STRBP: variants seen among roughly 807,000 people sequenced by gnomAD.
The protein encoded by STRBP is spermatid perinuclear RNA-binding protein.
In STRBP, 13 loss-of-function variants were observed where a neutral mutation model predicts 80.1. The ratio of observed to expected loss-of-function variants is 0.16; its 90% confidence interval spans 0.11 to 0.26. The LOEUF is 0.26. Ranked by LOEUF, STRBP falls within the 10% of genes least tolerant of loss-of-function variation. STRBP has a pLI of 1.00. For synonymous variants in STRBP, 284 were observed against 291.2 expected (o/e 0.98, Z 0.25); for missense variants, 485 against 815.2 (o/e 0.59, Z 4.93).
chr9:123,239,568 A>C (rs1430314635), intron 1 of STRBP, among the ~76,000 whole-genome samples: 2 of 152,178 alleles, frequency 1.3e-5, no homozygotes, highest in African/African-American at 4.8e-5. Context: ...ATTTTCCCCC[A>C]GCTTCTTATG....
intron 14 of STRBP, among the ~76,000 whole-genome samples, chr9:123,137,965 G>A: frequency 6.6e-6 from 1 of 152,098 alleles, no homozygotes; most frequent in East Asian, 1.9e-4. Context: ...TTGAAACTAG[G>A]TCTATAGTAA....
chr9:123,209,516 T>C (rs755531322), intron 2 of STRBP, among the ~76,000 whole-genome samples: 5 of 152,250 alleles, frequency 3.3e-5, no homozygotes, highest in Admixed American at 6.5e-5. Flanking sequence ...TTGTGATGCC[T>C]ACAATCATAT....
At chr9:123,254,965 T>C (rs1296784493) in intron 1 of STRBP, among the ~76,000 whole-genome samples, 1 of 152,224 alleles carries the variant, frequency 6.6e-6, no homozygotes, top group Admixed American at 6.5e-5. Context: ...AAACTCATCA[T>C]GTCTTTTTTC....
intron 6 of STRBP, among the ~76,000 whole-genome samples, chr9:123,166,878 T>C (rs1297872595): frequency 2.6e-5 from 4 of 152,160 alleles, no homozygotes; most frequent in African/African-American, 4.8e-5. Context: ...AATGGGGATA[T>C]GGTTATTCTA....
At chr9:123,213,776 T>C (rs912999369) in intron 2 of STRBP, 2 of 151,934 alleles carry the variant, frequency 1.3e-5, no homozygotes, top group Non-Finnish European at 2.9e-5. Flanking sequence ...AATACAAAAA[T>C]TAGCCAGGCA....
intron 1 of STRBP, among the ~76,000 whole-genome samples, chr9:123,240,885 A>C (rs2040679716): frequency 6.6e-6 from 1 of 152,222 alleles, no homozygotes; most frequent in African/African-American, 2.4e-5. Context: ...ATCAGTTAAA[A>C]TATAAAGTGA....
chr9:123,137,961 C>G (rs2036431805), intron 14 of STRBP, among the ~76,000 whole-genome samples: 1 of 152,140 alleles, frequency 6.6e-6, no homozygotes, highest in African/African-American at 2.4e-5. Flanking sequence ...ATTTTTGAAA[C>G]TAGGTCTATA....
Position 123,122,678 on chromosome 9 carries a change from C to A in STRBP, c.*2919G>T, listed in dbSNP as rs1254145164. Reference sequence around the variant, plus strand: ...AGCCTGAAGAAACACAAGCTGCAAGCCACATCCCTGGCTAGGGGCCAGTCC... The same window carrying A: ...AGCCTGAAGAAACACAAGCTGCAAGACACATCCCTGGCTAGGGGCCAGTCC... On this transcript the variant is annotated 3_prime_UTR_variant, in exon 19 of 19. Coordinates refer to ENST00000348403, the MANE Select transcript of STRBP (RefSeq NM_018387.5). 6 of 1,014,084 alleles carry A rather than the reference C, an allele frequency of 5.9e-6. No individual in the cohort carries two copies. The highest frequency in any genetic ancestry group is 7.1e-6 in the Non-Finnish European group (6 of 848,676). 62.8% of individuals were successfully genotyped at this position (1,014,084 alleles called of 1,614,324 possible). A position where few individuals can be genotyped will look rare whatever the true frequency, so the allele number is the denominator to read the frequency against.
rs2038607246 is a variant in STRBP at position 123,184,204 on chromosome 9, T to TTCACTTGTCGTCTTCACTAGACTAG, written c.-71_-70insCTAGTCTAGTGAAGACGACAAGTGA. 1.3e-5 allele frequency: 20 copies of TTCACTTGTCGTCTTCACTAGACTAG among 1,530,460 alleles called. No homozygotes were observed. The highest frequency in any genetic ancestry group is 1.7e-5 in the Non-Finnish European group (19 of 1,116,894). 94.8% of individuals were successfully genotyped at this position (1,530,460 alleles called of 1,614,324 possible). A position where few individuals can be genotyped will look rare whatever the true frequency, so the allele number is the denominator to read the frequency against. On this transcript the variant is annotated 5_prime_UTR_variant, in exon 3 of 19. It introduces an in-frame stop codon into an upstream open reading frame of the 5' UTR. Coordinates refer to ENST00000348403, the MANE Select transcript of STRBP (RefSeq NM_018387.5). ...CTTTCTTGTCGTCTTCACTAGACAC[T>TTCACTTGTCGTCTTCACTAGACTAG]GTTTTGTGTAACAATACCTCCTCAT... is the stretch of plus-strand genomic sequence containing the variant.
At chr9:123,146,737 A>T in intron 13 of STRBP, 118 bp downstream of exon 13, 1 of 884,202 alleles carries the variant, frequency 1.1e-6, no homozygotes, top group Non-Finnish European at 1.6e-6. Context: ...ACAAAAGTCT[A>T]TATATAATAT....
intron 11 of STRBP, among the ~76,000 whole-genome samples, chr9:123,156,768 T>A (rs1368936160): frequency 1.3e-5 from 2 of 151,964 alleles, no homozygotes; most frequent in Non-Finnish European, 2.9e-5. Context: ...CCCACTGGAA[T>A]TCTGTCATCT....
intron 1 of STRBP, among the ~76,000 whole-genome samples, chr9:123,258,034 G>A (rs1241628953): frequency 4.6e-5 from 7 of 151,922 alleles, no homozygotes; most frequent in Non-Finnish European, 4.4e-5. Flanking sequence ...GCAAAAAGAC[G>A]ACTTCAAGGC....
At chr9:123,216,089 C>T (rs1482446425) in intron 2 of STRBP, among the ~76,000 whole-genome samples, 1 of 152,182 alleles carries the variant, frequency 6.6e-6, no homozygotes, top group Non-Finnish European at 1.5e-5. Context: ...ACCCTCCACC[C>T]TTATTCTGCA....
At chr9:123,260,168 G>A (rs1052804847) in intron 1 of STRBP, among the ~76,000 whole-genome samples, 2 of 152,218 alleles carry the variant, frequency 1.3e-5, no homozygotes, top group Admixed American at 1.3e-4. Context: ...GAATGAGCCA[G>A]TAGACAGGGG....
At chr9:123,198,976 G>A (rs909807303) in intron 2 of STRBP, among the ~76,000 whole-genome samples, 4 of 152,152 alleles carry the variant, frequency 2.6e-5, no homozygotes, top group Non-Finnish European at 5.9e-5. Flanking sequence ...GATGGAGTCT[G>A]ACTCTGTCGC....
chr9:123,206,898 A>C (rs765843961), intron 2 of STRBP, among the ~76,000 whole-genome samples: 3 of 152,184 alleles, frequency 2.0e-5, no homozygotes, highest in Non-Finnish European at 4.4e-5. Flanking sequence ...TTGGCCTCCC[A>C]AAGTGCTAGA....
rs765318382 is a variant in STRBP at position 123,146,915 on chromosome 9, G to A, written c.1278C>T (p.Gly426=). The A allele has an allele frequency of 1.9e-6, 3 of 1,614,034 alleles. No homozygotes were observed. The highest frequency in any genetic ancestry group is 2.5e-6 in the Non-Finnish European group (3 of 1,179,982). The change falls in exon 13 of 19, where the codon GGC becomes GGT. Residue 426 remains glycine (G), a synonymous_variant. Transcript: ENST00000348403. Reference sequence around the variant, plus strand: ...ATGGTCCTGAGGCTTCATATGTTGTGCCATCCACATCTACAGACATTGTGA... The same window carrying A: ...ATGGTCCTGAGGCTTCATATGTTGTACCATCCACATCTACAGACATTGTGA... The part of the protein sequence containing the change: ...PVFTMSVDVD[G]TTYEASGPSK...
In STRBP at chr9:123,122,739, T is replaced by C; in HGVS notation, c.*2858A>G. On this transcript the variant is annotated 3_prime_UTR_variant, in exon 19 of 19. Transcript: ENST00000348403. ...GATATGGCTTCAAGGAGGACCCCTA[T>C]CTCTGAGAAATTATAGTAACGCTAA... is the stretch of plus-strand genomic sequence containing the variant. 1 of 993,270 alleles carries C rather than the reference T, an allele frequency of 1.0e-6. No homozygotes were observed. The highest frequency in any genetic ancestry group is 1.7e-5 in the African/African-American group (1 of 57,410). The allele number at this position is 993,270 out of a possible 1,614,324, so 61.5% of individuals were successfully genotyped here. A position where few individuals can be genotyped will look rare whatever the true frequency, so the allele number is the denominator to read the frequency against.
intron 2 of STRBP, among the ~76,000 whole-genome samples, chr9:123,214,656 C>T: frequency 6.6e-6 from 1 of 152,170 alleles, no homozygotes; most frequent in Non-Finnish European, 1.5e-5. Flanking sequence ...CTCCAGAAAG[C>T]CTTCCCTCAT....
Sources: gnomAD v4.1 joint callset for allele counts (sites outside exome capture counted in the v4.1 genomes callset) on GRCh38, gnomAD v4.1.1 for gene constraint, MANE v1.5 for transcripts, NCBI Gene and HGNC (gene_info 2026-07-23, HGNC 2026-07-21) for gene names.